Variants in IGSF21 observed in about 807,000 individuals in gnomAD.
The protein encoded by IGSF21 is immunoglobulin superfamily member 21.
In IGSF21, 28 loss-of-function variants were observed where a neutral mutation model predicts 46.8. That is an observed-to-expected ratio of 0.60 (90% CI 0.44 to 0.82). IGSF21 has a LOEUF of 0.82. Ranked by LOEUF, IGSF21 falls within the 40% of genes least tolerant of loss-of-function variation. The probability of loss-of-function intolerance (pLI) is 0.00; values close to 1 mark genes in which losing one functional copy is unlikely to be tolerated. For missense variants in IGSF21, 624 were observed against 665.5 expected (o/e 0.94, Z 0.69); for synonymous variants, 284 against 273.6 (o/e 1.04, Z -0.38).
chr1:18,299,305 G>A (rs1569758419), intron 3 of IGSF21, among the ~76,000 whole-genome samples: 1 of 152,212 alleles, frequency 6.6e-6, no homozygotes, highest in African/African-American at 2.4e-5. Flanking sequence ...TTTTTAAATA[G>A]GCACATTAAC....
At chr1:18,193,571 G>C (rs2086978818) in intron 1 of IGSF21, among the ~76,000 whole-genome samples, 1 of 152,116 alleles carries the variant, frequency 6.6e-6, no homozygotes, top group South Asian at 2.1e-4. Context: ...ATGTAGGCTG[G>C]GAGTCTAGGC....
At chr1:18,246,643 C>T (rs1381430101) in intron 2 of IGSF21, among the ~76,000 whole-genome samples, 1 of 152,198 alleles carries the variant, frequency 6.6e-6, no homozygotes, top group African/African-American at 2.4e-5. Flanking sequence ...GTGCTGTAAT[C>T]TCCAAACTCC....
intron 3 of IGSF21, among the ~76,000 whole-genome samples, chr1:18,302,782 G>A (rs987903419): frequency 1.5e-4 from 23 of 152,252 alleles, no homozygotes; most frequent in African/African-American, 5.5e-4. Context: ...GGAGGGTCAG[G>A]GGTATTTCTC....
intron 1 of IGSF21, among the ~76,000 whole-genome samples, chr1:18,222,227 C>T (rs776057830): frequency 6.6e-6 from 1 of 152,198 alleles, no homozygotes; most frequent in Non-Finnish European, 1.5e-5. Flanking sequence ...TCTTGAGCCT[C>T]CTCTCTAGTT....
chr1:18,221,418 G>A (rs1415069796), intron 1 of IGSF21, among the ~76,000 whole-genome samples: 2 of 152,018 alleles, frequency 1.3e-5, no homozygotes, highest in South Asian at 2.1e-4. Context: ...GGAAGCCCTC[G>A]CTGACCCCGT....
intron 3 of IGSF21, among the ~76,000 whole-genome samples, chr1:18,331,762 G>T (rs1247965315): frequency 1.3e-5 from 2 of 152,212 alleles, no homozygotes. Flanking sequence ...CATATTCCAG[G>T]TGAGAAGAGA....
chr1:18,190,758 G>C (rs984955853), intron 1 of IGSF21, among the ~76,000 whole-genome samples: 1 of 152,142 alleles, frequency 6.6e-6, no homozygotes, highest in Admixed American at 6.5e-5. Context: ...AGCTGTTATC[G>C]GGGATTTGTG....
At position 18,359,374 on chromosome 1, in the gene IGSF21, GAAA is replaced by G. The variant is rs1557659570; in HGVS notation, c.425-2740_425-2738del. Among the ~76,000 whole-genome samples, 281 of 102,406 alleles carry G rather than the reference GAAA, an allele frequency of 2.7e-3. 2 individuals are homozygous for G. Among genetic ancestry groups the G allele is most frequent in the African/African-American group, 9.5e-3 (233 of 24,654 alleles). The allele number at this position is 102,406 out of a possible 152,430, so 67.2% of individuals were successfully genotyped here. A position where few individuals can be genotyped will look rare whatever the true frequency, so the allele number is the denominator to read the frequency against. On this transcript the variant is annotated intron_variant, in intron 4 of 9. Transcript: ENST00000251296. The stretch of plus-strand genomic sequence containing the variant: ...AGAAAGAAAGAAAGAAAGAAAGAAA[GAAA>G]GAAAGAAAGGAAGGAAGGAAGGAAG...
chr1:18,322,899 G>A lies in IGSF21; in HGVS notation c.306-11993G>A, dbSNP rs923076994. Among the ~76,000 whole-genome samples the A allele has an allele frequency of 2.6e-5, 4 of 152,296 alleles. No homozygotes were observed. The highest frequency in any genetic ancestry group is 1.9e-4 in the East Asian group (1 of 5,164). On this transcript the variant is annotated intron_variant, in intron 3 of 9. Coordinates refer to ENST00000251296, the MANE Select transcript of IGSF21 (RefSeq NM_032880.5). The surrounding 1 kb of genome is among the most constrained non-coding windows in gnomAD (Gnocchi z 4.3). ...GAATGGGTGAAGGGGAGCGGGAAGC[G>A]ATGGGCCAGGAAGTCAGGGGAAGGG...
intron 1 of IGSF21, among the ~76,000 whole-genome samples, chr1:18,165,162 TA>T (rs2086666860): frequency 6.6e-6 from 1 of 152,114 alleles, no homozygotes; most frequent in Non-Finnish European, 1.5e-5. Context: ...ATAACATTCA[TA>T]ATAGGAGTCT....
chr1:18,184,814 G>A (rs1211796032), intron 1 of IGSF21, among the ~76,000 whole-genome samples: 1 of 152,120 alleles, frequency 6.6e-6, no homozygotes, highest in Admixed American at 6.5e-5. Flanking sequence ...CTTTGTACTT[G>A]GCATGTCAAA....
Position 18,359,383 on chromosome 1 carries a change from A to AAAGGAAGGAAGG in IGSF21, c.425-2685_425-2674dup, listed in dbSNP as rs1202935647. On this transcript the variant is annotated intron_variant, in intron 4 of 9. Coordinates refer to ENST00000251296, the MANE Select transcript of IGSF21 (RefSeq NM_032880.5). ...GAAAGAAAGAAAGAAAGAAAGAAAGAAAGGAAGGAAGGAAGGAAGGAAGGA... is the reference window on the plus strand; with the variant it reads ...GAAAGAAAGAAAGAAAGAAAGAAAGAAAGGAAGGAAGGAAGGAAGGAAGGAAGGAAGGAAGGA... Among the ~76,000 whole-genome samples the AAAGGAAGGAAGG allele has an allele frequency of 2.5e-3, 153 of 61,102 alleles. 2 individuals are homozygous for AAAGGAAGGAAGG. Among genetic ancestry groups the AAAGGAAGGAAGG allele is most frequent in the Admixed American group, 5.0e-3 (27 of 5,386 alleles). 40.1% of individuals were successfully genotyped at this position (61,102 alleles called of 152,430 possible).
rs962999406 is a variant in IGSF21, at chr1:18,373,371, G to A, written c.1016-2939G>A. ...GTCTAGAAGCAGGCAAGGGGGTGTAGGTTTTGATTGTCTGGAGCTGCTAAT... is the reference window on the plus strand; with the variant it reads ...GTCTAGAAGCAGGCAAGGGGGTGTAAGTTTTGATTGTCTGGAGCTGCTAAT... On this transcript the variant is annotated intron_variant, in intron 6 of 9. Transcript: ENST00000251296. 2.4e-4 allele frequency among the ~76,000 whole-genome samples: 36 copies of A among 152,166 alleles called. 1 individual carries two copies. Among genetic ancestry groups the A allele is most frequent in the Admixed American group, 2.1e-3 (32 of 15,286 alleles).
At chr1:18,350,516 G>A (rs1348536293) in intron 4 of IGSF21, among the ~76,000 whole-genome samples, 1 of 152,186 alleles carries the variant, frequency 6.6e-6, no homozygotes, top group Admixed American at 6.5e-5. Context: ...ATTCAATCAA[G>A]CAAACGCAGT....
intron 2 of IGSF21, among the ~76,000 whole-genome samples, chr1:18,270,881 T>C (rs2085036291): frequency 6.6e-6 from 1 of 152,230 alleles, no homozygotes. Context: ...CTGGTAGCAT[T>C]TCTGCAAATT....
At chr1:18,143,433 G>A (rs1197330082) in intron 1 of IGSF21, among the ~76,000 whole-genome samples, 1 of 152,232 alleles carries the variant, frequency 6.6e-6, no homozygotes, top group East Asian at 1.9e-4. Flanking sequence ...TCTCCCTCCT[G>A]CTTAGAACTC....
At chr1:18,347,250 C>T (rs1459683998) in intron 4 of IGSF21, among the ~76,000 whole-genome samples, 1 of 152,138 alleles carries the variant, frequency 6.6e-6, no homozygotes, top group Non-Finnish European at 1.5e-5. Context: ...CAGCTCATTC[C>T]ACCAGCTGTC....
chr1:18,241,338 C>T (rs973684667), intron 2 of IGSF21, among the ~76,000 whole-genome samples: 2 of 152,180 alleles, frequency 1.3e-5, no homozygotes, highest in African/African-American at 4.8e-5. Flanking sequence ...CGAGGCTCCT[C>T]TCCCAGTATG....
chr1:18,313,851 TG>T (rs2085514395), intron 3 of IGSF21, among the ~76,000 whole-genome samples: 1 of 152,222 alleles, frequency 6.6e-6, no homozygotes, highest in Non-Finnish European at 1.5e-5. Context: ...TTTGCAGTGC[TG>T]GGACCCAGAG....
Sources: allele counts gnomAD v4.1 joint callset (sites outside exome capture counted in the v4.1 genomes callset), GRCh38; gene constraint gnomAD v4.1.1; non-coding constraint Gnocchi (gnomAD v3.1); transcripts MANE v1.5; gene names NCBI Gene and HGNC (gene_info 2026-07-23, HGNC 2026-07-21).